Variants in PCOLCE2 observed in about 807,000 individuals in gnomAD.
PCOLCE2 encodes procollagen C-proteinase enhancer 2.
Under a neutral mutation model 47.0 loss-of-function variants are expected in PCOLCE2, and 42 were observed. The observed-to-expected ratio is 0.89, with a 90% CI of 0.70 to 1.16. PCOLCE2 has a LOEUF of 1.16. Ranked by LOEUF, PCOLCE2 falls within the 50% of genes most tolerant of loss-of-function variation. The probability of loss-of-function intolerance (pLI) is 0.00; values close to 1 mark genes in which losing one functional copy is unlikely to be tolerated. For synonymous variants in PCOLCE2, 169 were observed against 191.7 expected, an observed-to-expected ratio of 0.88 and a Z score of 0.98; for missense variants, 500 against 526.1, an observed-to-expected ratio of 0.95 and a Z score of 0.49.
chr3:142,877,115 C>T (rs1284425710), intron 2 of PCOLCE2, among the ~76,000 whole-genome samples: 2 of 152,054 alleles, frequency 1.3e-5, no homozygotes, highest in African/African-American at 4.8e-5. Context: ...TTTGGGACTC[C>T]AAAGGTAAAT....
At chr3:142,864,756 A>C (rs765733513) in intron 2 of PCOLCE2, among the ~76,000 whole-genome samples, 5 of 152,220 alleles carry the variant, frequency 3.3e-5, no homozygotes, top group African/African-American at 4.8e-5. Flanking sequence ...GAATGGAATC[A>C]AACAGTATGT....
At chr3:142,876,276 A>AT (rs764534678) in intron 2 of PCOLCE2, among the ~76,000 whole-genome samples, 1 of 152,218 alleles carries the variant, frequency 6.6e-6, no homozygotes, top group Non-Finnish European at 1.5e-5. Flanking sequence ...AAGAAATAAT[A>AT]TTTTTTGAGT....
At chr3:142,887,570 G>A (rs1309283250) in intron 2 of PCOLCE2, 99 bp downstream of exon 2, 1 of 679,462 alleles carries the variant, frequency 1.5e-6, no homozygotes, top group South Asian at 1.8e-5. Flanking sequence ...TCAGGCATTT[G>A]CCTCTTACTC....
chr3:142,840,639 A>G (rs1937254020), intron 4 of PCOLCE2, among the ~76,000 whole-genome samples: 1 of 152,250 alleles, frequency 6.6e-6, no homozygotes, highest in South Asian at 2.1e-4. Context: ...TGCCAGTGAT[A>G]GGTGAATAAT....
At chr3:142,871,021 A>G (rs1265122333) in intron 2 of PCOLCE2, among the ~76,000 whole-genome samples, 1 of 152,184 alleles carries the variant, frequency 6.6e-6, no homozygotes, top group Non-Finnish European at 1.5e-5. Flanking sequence ...TGAGCTTAAC[A>G]TGTCAAAGAC....
intron 2 of PCOLCE2, among the ~76,000 whole-genome samples, chr3:142,873,146 A>C (rs1933426828): frequency 6.6e-6 from 1 of 152,192 alleles, no homozygotes; most frequent in African/African-American, 2.4e-5. Flanking sequence ...TTATCCAAGC[A>C]CTTTGGGAGG....
At chr3:142,860,693 C>T (rs1346384638) in intron 2 of PCOLCE2, among the ~76,000 whole-genome samples, 2 of 152,238 alleles carry the variant, frequency 1.3e-5, no homozygotes, top group African/African-American at 4.8e-5. Flanking sequence ...TAGGTGTGAG[C>T]CACCACTCCC....
chr3:142,829,787 G>C lies in PCOLCE2; in HGVS notation c.770C>G (p.Thr257Ser). Residue 257 changes from threonine (T) to serine (S), a missense_variant, in exon 6 of 9, where the codon ACT (threonine) becomes AGT (serine). Physicochemically the swap from Thr to Ser is moderately conservative, Grantham distance 58 (BLOSUM62 1). Coordinates refer to ENST00000295992, the MANE Select transcript of PCOLCE2 (RefSeq NM_013363.4). ...LIQFLSDLSLTADGFIGHYIF... is the reference protein window; with the variant it reads ...LIQFLSDLSLSADGFIGHYIF... ...GTAGTGACCAATAAACCCATCTGCA[G>C]TTAAACTTAAGTCTGATAAAAACTG... 1.2e-6 allele frequency: 2 copies of C among 1,607,498 alleles called. No individual in the cohort carries two copies. The highest frequency in any genetic ancestry group is 1.7e-6 in the Non-Finnish European group (2 of 1,174,996).
intron 2 of PCOLCE2, among the ~76,000 whole-genome samples, chr3:142,866,634 T>A (rs1052895242): frequency 1.9e-4 from 29 of 152,148 alleles, no homozygotes; most frequent in African/African-American, 6.8e-4. Context: ...CATACATAAA[T>A]TAACTTGAGA....
intron 2 of PCOLCE2, among the ~76,000 whole-genome samples, chr3:142,886,631 G>C (rs1178197029): frequency 6.6e-6 from 1 of 152,122 alleles, no homozygotes; most frequent in Non-Finnish European, 1.5e-5. Flanking sequence ...TGACCTCAGT[G>C]GGAATACCTT....
intron 2 of PCOLCE2, among the ~76,000 whole-genome samples, chr3:142,855,390 T>C (rs1933041809): frequency 6.6e-6 from 1 of 152,160 alleles, no homozygotes; most frequent in Non-Finnish European, 1.5e-5. Flanking sequence ...TACTTTTATA[T>C]AAAAATGTAA....
At chr3:142,851,058 G>T (rs1283147331) in intron 2 of PCOLCE2, among the ~76,000 whole-genome samples, 1 of 152,180 alleles carries the variant, frequency 6.6e-6, no homozygotes, top group Non-Finnish European at 1.5e-5. Context: ...GACAGATGTA[G>T]GTAGGTCAGT....
chr3:142,830,487 G>A (rs1937132979), intron 5 of PCOLCE2, among the ~76,000 whole-genome samples: 1 of 152,120 alleles, frequency 6.6e-6, no homozygotes, highest in African/African-American at 2.4e-5. Flanking sequence ...GCAGTTCTTC[G>A]GTATGTCTGA....
At position 142,873,407 on chromosome 3, in the gene PCOLCE2, A is replaced by G. The variant is rs548282618; in HGVS notation, c.192+14262T>C. Among the ~76,000 whole-genome samples the G allele has an allele frequency of 5.8e-3, 888 of 151,944 alleles. 9 individuals carry two copies. Among genetic ancestry groups the G allele is most frequent in the African/African-American group, 0.018 (766 of 41,446 alleles). Reference sequence around the variant, plus strand: ...AAACTCCATCTCAAAAAAAAAAAAAAAAGAAAAAAATTTTTTAAAGTTAAC... The same window carrying G: ...AAACTCCATCTCAAAAAAAAAAAAAGAAGAAAAAAATTTTTTAAAGTTAAC... On this transcript the variant is annotated intron_variant, in intron 2 of 8. Coordinates refer to ENST00000295992, the MANE Select transcript of PCOLCE2 (RefSeq NM_013363.4).
At chr3:142,869,535 T>G (rs1335841147) in intron 2 of PCOLCE2, among the ~76,000 whole-genome samples, 1 of 152,086 alleles carries the variant, frequency 6.6e-6, no homozygotes, top group East Asian at 1.9e-4. Flanking sequence ...GAATTAAGAG[T>G]CTGGCACCTT....
intron 6 of PCOLCE2, among the ~76,000 whole-genome samples, chr3:142,825,121 A>C (rs1280450538): frequency 1.3e-5 from 2 of 152,090 alleles, no homozygotes; most frequent in African/African-American, 4.8e-5. Flanking sequence ...GAAGTTGGGA[A>C]CCTCACTTCA....
intron 3 of PCOLCE2, among the ~76,000 whole-genome samples, chr3:142,847,137 T>C (rs1341875690): frequency 6.6e-6 from 1 of 152,234 alleles, no homozygotes; most frequent in Non-Finnish European, 1.5e-5. Flanking sequence ...TAAAGTCTGT[T>C]TCCCTGGCAG....
intron 5 of PCOLCE2, among the ~76,000 whole-genome samples, chr3:142,833,780 G>T (rs184208508): frequency 1.1e-4 from 17 of 151,924 alleles, no homozygotes; most frequent in African/African-American, 3.9e-4. Flanking sequence ...TTCCTACTGG[G>T]TGGTTATCTG....
intron 2 of PCOLCE2, among the ~76,000 whole-genome samples, chr3:142,866,914 G>A (rs376086203): frequency 6.6e-6 from 1 of 152,214 alleles, no homozygotes; most frequent in East Asian, 1.9e-4. Flanking sequence ...ACGCAACAGG[G>A]CAGTTCCCAC....
Sources: allele counts gnomAD v4.1 joint callset (sites outside exome capture counted in the v4.1 genomes callset), GRCh38; gene constraint gnomAD v4.1.1; transcripts MANE v1.5; gene names NCBI Gene and HGNC (gene_info 2026-07-23, HGNC 2026-07-21).